FEZ1: variants seen among roughly 807,000 people sequenced by gnomAD.
FEZ1 encodes the protein fasciculation and elongation protein zeta-1.
A neutral mutation model predicts 49.3 loss-of-function variants in FEZ1; 20 were observed. That is an observed-to-expected ratio of 0.41 (90% CI 0.29 to 0.59). The LOEUF (loss-of-function observed/expected upper bound fraction) is 0.59. Among genes scored for constraint, FEZ1 ranks in the 20% least tolerant of loss-of-function variants. The pLI is 0.36. For missense variants in FEZ1, 413 were observed against 476.0 expected (o/e 0.87, Z 1.23); for synonymous variants, 170 against 180.9 (o/e 0.94, Z 0.48).
At chr11:125,491,532 G>A (rs754832358) in intron 1 of FEZ1, among the ~76,000 whole-genome samples, 8 of 152,024 alleles carry the variant, frequency 5.3e-5, no homozygotes, top group African/African-American at 1.9e-4. Context: ...TTCTCTACAC[G>A]CTCAACAGAA....
chr11:125,484,948 G>C (rs1445405673), intron 2 of FEZ1, among the ~76,000 whole-genome samples: 1 of 152,172 alleles, frequency 6.6e-6, no homozygotes, highest in Non-Finnish European at 1.5e-5. Context: ...AAAGGGAAGG[G>C]CTGTCTATCC....
At chr11:125,460,090 ACT>A (rs941734851) in intron 5 of FEZ1, among the ~76,000 whole-genome samples, 3 of 151,386 alleles carry the variant, frequency 2.0e-5, no homozygotes, top group African/African-American at 7.3e-5. Context: ...ACAGAGAGAG[ACT>A]CTGTCTCAAA....
intron 2 of FEZ1, among the ~76,000 whole-genome samples, chr11:125,483,060 C>CCTA (rs1957298880): frequency 6.7e-6 from 1 of 148,836 alleles, no homozygotes; most frequent in Admixed American, 6.7e-5. Flanking sequence ...CCTTCAGGTG[C>CCTA]CTATGCATGT....
intron 3 of FEZ1, among the ~76,000 whole-genome samples, chr11:125,470,926 A>G (rs1030252213): frequency 3.9e-5 from 6 of 152,346 alleles, no homozygotes; most frequent in African/African-American, 1.4e-4. Context: ...AGATTGAAAT[A>G]AAATATATGA....
chr11:125,461,668 G>C (rs962778109), intron 4 of FEZ1, among the ~76,000 whole-genome samples: 4 of 152,200 alleles, frequency 2.6e-5, no homozygotes, highest in Admixed American at 6.5e-5. Flanking sequence ...AAATAAAGAA[G>C]ACTGCTGCTG....
chr11:125,482,057 G>A (rs1957285512), intron 2 of FEZ1, among the ~76,000 whole-genome samples: 1 of 152,132 alleles, frequency 6.6e-6, no homozygotes, highest in African/African-American at 2.4e-5. Flanking sequence ...GAGAGAGAGA[G>A]AGGAACACAG....
intron 3 of FEZ1, among the ~76,000 whole-genome samples, chr11:125,475,853 G>A (rs1957226787): frequency 2.0e-5 from 3 of 152,028 alleles, no homozygotes; most frequent in Non-Finnish European, 4.4e-5. Flanking sequence ...ACAGAAAAAT[G>A]TTCACAGCAG....
At chr11:125,491,711 A>G (rs1850893544) in intron 1 of FEZ1, among the ~76,000 whole-genome samples, 1 of 152,260 alleles carries the variant, frequency 6.6e-6, no homozygotes, top group South Asian at 2.1e-4. Context: ...AAGCAAGGCA[A>G]AGGACATGCC....
In FEZ1 at chr11:125,455,781, C is replaced by T. The variant is rs771028911; in HGVS notation, c.939+54G>A. ...CTGCAGGGTTGGTAGGGCACTGAAACGGGCAGGGTTGGAGGTTGGAGGCAC... is the reference window on the plus strand; with the variant it reads ...CTGCAGGGTTGGTAGGGCACTGAAATGGGCAGGGTTGGAGGTTGGAGGCAC... On this transcript the variant is annotated intron_variant, in intron 6 of 9. Transcript: ENST00000278919. The T allele has an allele frequency of 1.1e-5, 17 of 1,593,498 alleles. No homozygotes were observed. In the African/African-American group the frequency reaches 1.1e-4, roughly 10 times the overall value.
At chr11:125,454,683 A>G (rs1240377934) in intron 6 of FEZ1, among the ~76,000 whole-genome samples, 1 of 152,074 alleles carries the variant, frequency 6.6e-6, no homozygotes, top group Admixed American at 6.6e-5. Context: ...GCATTTTGAA[A>G]AAAACTCCTT....
intron 4 of FEZ1, among the ~76,000 whole-genome samples, chr11:125,462,649 G>A (rs1191222936): frequency 6.6e-6 from 1 of 152,218 alleles, no homozygotes; most frequent in African/African-American, 2.4e-5. Flanking sequence ...TGACATTCAT[G>A]TTCACTGCAG....
At chr11:125,454,280 C>A in intron 6 of FEZ1, 70 bp from the exon 7 acceptor site, 1 of 1,209,610 alleles carries the variant, frequency 8.3e-7, no homozygotes, top group Non-Finnish European at 1.2e-6. Flanking sequence ...AGGGACCTCT[C>A]AGCTACCAGG....
intron 4 of FEZ1, among the ~76,000 whole-genome samples, chr11:125,462,617 C>G (rs1036912828): frequency 2.6e-5 from 4 of 152,170 alleles, no homozygotes; most frequent in African/African-American, 9.7e-5. Flanking sequence ...AGACTGACCC[C>G]AACTATCCCA....
At chr11:125,454,890 T>C (rs1404940669) in intron 6 of FEZ1, among the ~76,000 whole-genome samples, 1 of 151,262 alleles carries the variant, frequency 6.6e-6, no homozygotes, top group Admixed American at 6.6e-5. Flanking sequence ...GGTGTGAACC[T>C]GTAATCCCGG....
At chr11:125,459,555 G>A (rs1407128231) in intron 5 of FEZ1, among the ~76,000 whole-genome samples, 2 of 152,076 alleles carry the variant, frequency 1.3e-5, no homozygotes, top group Non-Finnish European at 2.9e-5. Flanking sequence ...TCATGCCACT[G>A]CACTCTAGCC....
intron 3 of FEZ1, among the ~76,000 whole-genome samples, chr11:125,467,066 C>T (rs1481018083): frequency 6.7e-6 from 1 of 149,124 alleles, no homozygotes; most frequent in Non-Finnish European, 1.5e-5. Flanking sequence ...CAGGATCTCG[C>T]TGTGTCACAC....
At chr11:125,474,810 C>T (rs771352891) in intron 3 of FEZ1, among the ~76,000 whole-genome samples, 8 of 152,132 alleles carry the variant, frequency 5.3e-5, no homozygotes, top group African/African-American at 1.9e-4. Context: ...ATCACTTGAA[C>T]CTGGGAGGCA....
At chr11:125,492,009 A>G (rs1222780170) in intron 1 of FEZ1, among the ~76,000 whole-genome samples, 3 of 152,256 alleles carry the variant, frequency 2.0e-5, no homozygotes, top group African/African-American at 4.8e-5. Flanking sequence ...ATTTTTAATA[A>G]ATCAATAATT....
intron 2 of FEZ1, among the ~76,000 whole-genome samples, chr11:125,484,783 A>G (rs1957312673): frequency 6.6e-6 from 1 of 152,134 alleles, no homozygotes; most frequent in African/African-American, 2.4e-5. Context: ...GAGGAATGGC[A>G]AAGGTAGCAG....
Sources: gnomAD v4.1 joint callset for allele counts (sites outside exome capture counted in the v4.1 genomes callset) on GRCh38, gnomAD v4.1.1 for gene constraint, MANE v1.5 for transcripts, NCBI Gene and HGNC (gene_info 2026-07-23, HGNC 2026-07-21) for gene names.